The following L3MBTL4 variants were observed in gnomAD, a reference collection of about 807,000 sequenced individuals.
L3MBTL4 encodes L3MBTL histone methyl-lysine binding protein 4, also known as lethal(3)malignant brain tumor-like protein 4.
L3MBTL4 carries 70 observed loss-of-function variants against 84.5 expected under a neutral mutation model. That is an observed-to-expected ratio of 0.83 (90% CI 0.68 to 1.01). The LOEUF (loss-of-function observed/expected upper bound fraction) is 1.01. L3MBTL4 is among the 50% of genes least tolerant of loss of function. The pLI, the probability that L3MBTL4 is intolerant of heterozygous loss-of-function variation, is 0.00. For missense variants in L3MBTL4, 715 were observed against 754.8 expected (o/e 0.95, Z 0.62); for synonymous variants, 274 against 259.8 (o/e 1.05, Z -0.52).
chr18:6,121,309 A>G (rs2059517625), intron 14 of L3MBTL4, among the ~76,000 whole-genome samples: 1 of 152,228 alleles, frequency 6.6e-6, no homozygotes, highest in African/African-American at 2.4e-5. Flanking sequence ...AAGAAAATTC[A>G]GTAATAACAA....
intron 14 of L3MBTL4, among the ~76,000 whole-genome samples, chr18:6,111,407 A>C (rs948923075): frequency 6.6e-6 from 1 of 152,180 alleles, no homozygotes; most frequent in Non-Finnish European, 1.5e-5. Context: ...TAAAACAATT[A>C]TTATTATTTT....
intron 14 of L3MBTL4, among the ~76,000 whole-genome samples, chr18:6,096,662 T>C (rs974464273): frequency 2.0e-5 from 3 of 152,136 alleles, no homozygotes; most frequent in East Asian, 1.9e-4. Flanking sequence ...TCTATTCACA[T>C]TGAAAAAAAG....
At chr18:6,364,549 G>A (rs1009155532) in intron 1 of L3MBTL4, among the ~76,000 whole-genome samples, 1 of 151,878 alleles carries the variant, frequency 6.6e-6, no homozygotes, top group Non-Finnish European at 1.5e-5. Context: ...TGTTACCTCC[G>A]AAGTAAAAGA....
At chr18:6,228,088 A>G (rs1427739206) in intron 10 of L3MBTL4, among the ~76,000 whole-genome samples, 1 of 152,226 alleles carries the variant, frequency 6.6e-6, no homozygotes, top group African/African-American at 2.4e-5. Flanking sequence ...AATCAATAGA[A>G]CAGAATACAA....
intron 1 of L3MBTL4, among the ~76,000 whole-genome samples, chr18:6,334,172 G>C (rs1380836540): frequency 6.6e-6 from 1 of 152,180 alleles, no homozygotes; most frequent in African/African-American, 2.4e-5. Flanking sequence ...GCAACCTTTT[G>C]ATGCTCAGGT....
At chr18:6,377,801 AGAGTAGAATGATTTATGATCCTTT>A (rs1207517220) in intron 1 of L3MBTL4, among the ~76,000 whole-genome samples, 5 of 152,194 alleles carry the variant, frequency 3.3e-5, no homozygotes, top group African/African-American at 4.8e-5. Flanking sequence ...ATGCGTCTTT[AGAGTAGAATGATTTATGATCCTTT>A]GAGTATATAC....
At chr18:6,346,177 T>C (rs66960257) in intron 1 of L3MBTL4, among the ~76,000 whole-genome samples, 28,847 of 148,212 alleles carry the variant, frequency 0.19, 3,567 homozygotes, top group African/African-American at 0.35. Context: ...ACACAATACA[T>C]AAAAATCAAT....
chr18:6,268,089 T>C (rs141782344), intron 4 of L3MBTL4, among the ~76,000 whole-genome samples: 137 of 152,294 alleles, frequency 9.0e-4, no homozygotes, highest in African/African-American at 3.2e-3. Context: ...TCTCTGGAGC[T>C]ACAATCATGC....
At chr18:6,175,601 C>T (rs2044191960) in intron 12 of L3MBTL4, among the ~76,000 whole-genome samples, 1 of 152,112 alleles carries the variant, frequency 6.6e-6, no homozygotes, top group Admixed American at 6.5e-5. Context: ...GTGGTCATCT[C>T]AGTGGATACA....
intron 1 of L3MBTL4, among the ~76,000 whole-genome samples, chr18:6,358,040 G>A (rs533101602): frequency 1.3e-5 from 2 of 152,284 alleles, no homozygotes; most frequent in East Asian, 1.9e-4. Context: ...TGTCTCATCC[G>A]CAGCCTGGCC....
chr18:6,348,094 T>G (rs1034244542), intron 1 of L3MBTL4, among the ~76,000 whole-genome samples: 1 of 151,918 alleles, frequency 6.6e-6, no homozygotes, highest in African/African-American at 2.4e-5. Context: ...AAAAGATGAA[T>G]GAGAACTTTA....
chr18:6,214,087 T>G (rs943916629), intron 11 of L3MBTL4, among the ~76,000 whole-genome samples: 2 of 152,242 alleles, frequency 1.3e-5, no homozygotes, highest in Admixed American at 1.3e-4. Flanking sequence ...ATTTCAGCTG[T>G]TAAACTGTTT....
At chr18:6,413,765 G>T (rs1306271932) in intron 1 of L3MBTL4, among the ~76,000 whole-genome samples, 1 of 152,204 alleles carries the variant, frequency 6.6e-6, no homozygotes, top group African/African-American at 2.4e-5. Flanking sequence ...GTGGGTCGTG[G>T]TGACCAGCTG....
In L3MBTL4 at chr18:6,116,954, C is replaced by T. The variant is rs1483893406; in HGVS notation, c.1199+21240G>A. The stretch of plus-strand genomic sequence containing the variant: ...CATCTATGCATGTATCCCTATGCAA[C>T]ACTGCTTAGTTTTGTGGGTTCCAGA... On this transcript the variant is annotated intron_variant, in intron 14 of 18. Transcript: ENST00000317931. 2.0e-5 allele frequency among the ~76,000 whole-genome samples: 3 copies of T among 152,200 alleles called. No homozygotes were observed. The East Asian group carries it at 5.8e-4, about 29-fold the overall frequency.
At chr18:6,350,494 A>G (rs2053128422) in intron 1 of L3MBTL4, among the ~76,000 whole-genome samples, 1 of 152,196 alleles carries the variant, frequency 6.6e-6, no homozygotes, top group African/African-American at 2.4e-5. Context: ...TCATGAAAAA[A>G]TACAAATCAA....
chr18:6,354,838 T>C (rs1248227964), intron 1 of L3MBTL4, among the ~76,000 whole-genome samples: 1 of 152,198 alleles, frequency 6.6e-6, no homozygotes, highest in Non-Finnish European at 1.5e-5. Context: ...GGCAGGAATG[T>C]AAATTAGTAC....
chr18:6,019,508 A>G (rs1057444830), intron 16 of L3MBTL4, among the ~76,000 whole-genome samples: 2 of 152,212 alleles, frequency 1.3e-5, no homozygotes, highest in Non-Finnish European at 2.9e-5. Context: ...AGGTGCATTA[A>G]TTAGTTCAAG....
At chr18:6,221,182 T>C (rs2046535227) in intron 10 of L3MBTL4, among the ~76,000 whole-genome samples, 1 of 152,156 alleles carries the variant, frequency 6.6e-6, no homozygotes, top group African/African-American at 2.4e-5. Context: ...ATTGAGCTCA[T>C]GAATCAATAG....
At chr18:6,128,213 T>A (rs1598842608) in intron 14 of L3MBTL4, among the ~76,000 whole-genome samples, 1 of 148,470 alleles carries the variant, frequency 6.7e-6, no homozygotes. Flanking sequence ...AAACTTCAAC[T>A]GAAGGATTAG....
Sources: allele counts gnomAD v4.1 joint callset (sites outside exome capture counted in the v4.1 genomes callset), GRCh38; gene constraint gnomAD v4.1.1; transcripts MANE v1.5; gene names NCBI Gene and HGNC (gene_info 2026-07-23, HGNC 2026-07-21).